Variants in CAPN8 observed in about 807,000 individuals in gnomAD.
The protein encoded by CAPN8 is calpain 8.
CAPN8 carries 87 observed loss-of-function variants against 80.9 expected under a neutral mutation model. That is an observed-to-expected ratio of 1.07 (90% CI 0.90 to 1.28). The LOEUF is 1.28. CAPN8 is among the 50% of genes most tolerant of loss of function. The probability of loss-of-function intolerance (pLI) is 0.00; values close to 1 mark genes in which losing one functional copy is unlikely to be tolerated. For synonymous variants in CAPN8, 299 were observed against 273.8 expected (o/e 1.09, Z -0.91); for missense variants, 757 against 702.0 (o/e 1.08, Z -0.89).
At chr1:223,629,468 G>A (rs1456587351) in intron 2 of CAPN8, among the ~76,000 whole-genome samples, 1 of 152,174 alleles carries the variant, frequency 6.6e-6, no homozygotes, top group Admixed American at 6.5e-5. Flanking sequence ...GAGATTCAAG[G>A]AAATGCAGAA....
chr1:223,651,084 A>G (rs149152598), intron 2 of CAPN8, among the ~76,000 whole-genome samples: 1 of 152,192 alleles, frequency 6.6e-6, no homozygotes. Flanking sequence ...ACATGGGGCG[A>G]CCCTGAGACT....
intron 14 of CAPN8, among the ~76,000 whole-genome samples, chr1:223,552,891 G>C (rs1262878189): frequency 2.0e-5 from 3 of 152,140 alleles, no homozygotes; most frequent in Non-Finnish European, 4.4e-5. Context: ...TGGCAGCTAA[G>C]GAAACAGGTT....
At chr1:223,620,320 C>A (rs1278659179) in intron 7 of CAPN8, 54 bp from the exon 8 acceptor site, 4 of 1,481,324 alleles carry the variant, frequency 2.7e-6, no homozygotes, top group African/African-American at 1.4e-5. Context: ...ACAAGCAGGG[C>A]AAGCTGTTTA....
At chr1:223,663,890 C>T (rs978324716) in intron 1 of CAPN8, among the ~76,000 whole-genome samples, 2 of 152,186 alleles carry the variant, frequency 1.3e-5, no homozygotes, top group African/African-American at 4.8e-5. Context: ...AAGTACTCTC[C>T]CTTTGTCTTC....
chr1:223,627,377 C>G (rs1167253145), intron 4 of CAPN8, among the ~76,000 whole-genome samples: 5 of 152,192 alleles, frequency 3.3e-5, no homozygotes, highest in African/African-American at 9.7e-5. Flanking sequence ...TCTCCAGCCA[C>G]CCCCTCCTTT....
At chr1:223,627,867 C>A (rs1211776359) in intron 4 of CAPN8, 142 bp downstream of exon 4, 6 of 952,548 alleles carry the variant, frequency 6.3e-6, no homozygotes, top group Non-Finnish European at 7.5e-6. Flanking sequence ...AAAATGCTCT[C>A]TCTCCGGCTC....
chr1:223,629,434 T>C (rs570052261), intron 2 of CAPN8, among the ~76,000 whole-genome samples: 8 of 152,312 alleles, frequency 5.3e-5, no homozygotes, highest in Middle Eastern at 3.4e-3. Flanking sequence ...TTACAAATCC[T>C]GGGTTTTGGT....
rs951069099 is a variant in CAPN8, at chr1:223,541,689, C to T, written c.*147G>A. ...GGGTCGGCTTACATAGCTCATAGCT[C>T]AGTGCTGCTGAAATAGACCCAGGGC... On this transcript the variant is annotated 3_prime_UTR_variant, in exon 21 of 21. Coordinates refer to ENST00000366872, the MANE Select transcript of CAPN8 (RefSeq NM_001143962.2). 3.1e-6 allele frequency: 4 copies of T among 1,284,542 alleles called. No individual in the cohort carries two copies. The African/African-American group carries it at 5.9e-5, about 19-fold the overall frequency. 79.6% of individuals were successfully genotyped at this position (1,284,542 alleles called of 1,614,324 possible).
intron 15 of CAPN8, among the ~76,000 whole-genome samples, chr1:223,550,272 C>G (rs1656748057): frequency 6.6e-6 from 1 of 152,198 alleles, no homozygotes; most frequent in Admixed American, 6.5e-5. Context: ...TGGGTTCGTC[C>G]CTGGGAAGGG....
At chr1:223,648,579 C>G (rs1658256297) in intron 2 of CAPN8, among the ~76,000 whole-genome samples, 1 of 152,178 alleles carries the variant, frequency 6.6e-6, no homozygotes, top group South Asian at 2.1e-4. Flanking sequence ...AGGCCTCGCT[C>G]CATGGGGGAG....
intron 2 of CAPN8, among the ~76,000 whole-genome samples, chr1:223,633,878 T>A (rs1215215827): frequency 4.6e-5 from 7 of 152,152 alleles, no homozygotes; most frequent in Non-Finnish European, 1.0e-4. Flanking sequence ...TGGAGATACT[T>A]CTGGACTGCA....
chr1:223,630,504 T>C (rs1451244629), intron 2 of CAPN8, among the ~76,000 whole-genome samples: 6 of 106,378 alleles, frequency 5.6e-5, no homozygotes, highest in Non-Finnish European at 1.4e-4. Context: ...GCCTGGTTAA[T>C]TTTTTTTTTT....
At chr1:223,626,386 C>A (rs1158488251) in intron 5 of CAPN8, among the ~76,000 whole-genome samples, 1 of 152,190 alleles carries the variant, frequency 6.6e-6, no homozygotes, top group East Asian at 1.9e-4. Flanking sequence ...CTCACTTTGT[C>A]GTTCACATTT....
At chr1:223,627,891 T>C (rs529216819) in intron 4 of CAPN8, 118 bp downstream of exon 4, 2 of 1,232,854 alleles carry the variant, frequency 1.6e-6, no homozygotes, top group South Asian at 3.3e-5. Context: ...GGGGTCTGGA[T>C]GCTGGGAAAG....
chr1:223,657,633 G>A (rs1192854837), intron 1 of CAPN8, among the ~76,000 whole-genome samples: 1 of 152,138 alleles, frequency 6.6e-6, no homozygotes, highest in African/African-American at 2.4e-5. Context: ...CAGGCGTGGT[G>A]GTGAGTGCCT....
At chr1:223,624,786 C>T (rs1183861108) in intron 6 of CAPN8, among the ~76,000 whole-genome samples, 1 of 151,522 alleles carries the variant, frequency 6.6e-6, no homozygotes, top group African/African-American at 2.4e-5. Flanking sequence ...AAAGAAGACA[C>T]AATGTAGGAA....
In CAPN8 at chr1:223,550,971, G is replaced by T. The variant is rs1469115341; in HGVS notation, c.1688C>A (p.Ala563Glu). 5.7e-5 allele frequency: 41 copies of T among 718,056 alleles called. No homozygotes were observed. In the East Asian group the frequency reaches 1.1e-3, roughly 19 times the overall value. The allele number at this position is 718,056 out of a possible 1,614,324, so 44.5% of individuals were successfully genotyped here. The change falls in exon 15 of 21, where the codon GCG becomes GAG. Residue 563 changes from alanine (A) to glutamate (E), a missense_variant. Coordinates refer to ENST00000366872, the MANE Select transcript of CAPN8 (RefSeq NM_001143962.2). Reference protein sequence around the residue: ...ANALKILLNEAFSKRTDIKFD... With the variant: ...ANALKILLNEEFSKRTDIKFD... ...AAGAAGGAACTTACTCTTGGAAAACGCCTCATTCAAAAGTATCTTGAGTGC... is the reference window on the plus strand; with the variant it reads ...AAGAAGGAACTTACTCTTGGAAAACTCCTCATTCAAAAGTATCTTGAGTGC...
chr1:223,544,377 T>G, intron 18 of CAPN8, 194 bp from the exon 19 acceptor site: 1 of 592,270 alleles, frequency 1.7e-6, no homozygotes, highest in Non-Finnish European at 3.0e-6. Context: ...TAGCTACTCC[T>G]CACCAAGATC....
chr1:223,634,873 C>T (rs1657872493), intron 2 of CAPN8, among the ~76,000 whole-genome samples: 1 of 152,202 alleles, frequency 6.6e-6, no homozygotes, highest in Admixed American at 6.5e-5. Context: ...TACAAACATT[C>T]AGTGTATAGC....
Sources: allele counts gnomAD v4.1 joint callset (sites outside exome capture counted in the v4.1 genomes callset), GRCh38; gene constraint gnomAD v4.1.1; transcripts MANE v1.5; gene names NCBI Gene and HGNC (gene_info 2026-07-23, HGNC 2026-07-21).